PDE7B: variants seen among roughly 807,000 people sequenced by gnomAD.
PDE7B encodes 3',5'-cyclic-AMP phosphodiesterase 7B.
A neutral mutation model predicts 56.2 loss-of-function variants in PDE7B; 29 were observed. That is an observed-to-expected ratio of 0.52 (90% CI 0.38 to 0.70). PDE7B has a LOEUF of 0.70. Among genes scored for constraint, PDE7B ranks in the 30% least tolerant of loss-of-function variants. PDE7B has a pLI of 0.00. For missense variants in PDE7B, 490 were observed against 565.0 expected (o/e 0.87, Z 1.35); for synonymous variants, 197 against 196.9 (o/e 1.00, Z 0.00).
intron 2 of PDE7B, chr6:136,048,883 GC>G (rs773343861): frequency 6.6e-6 from 1 of 152,010 alleles, no homozygotes; most frequent in Non-Finnish European, 1.5e-5. Flanking sequence ...TTTACACAGA[GC>G]CACAAGAAAT....
chr6:136,025,204 T>A (rs1776131315), intron 2 of PDE7B, among the ~76,000 whole-genome samples: 1 of 152,240 alleles, frequency 6.6e-6, no homozygotes. Context: ...GCATGCACTG[T>A]GATTTAGACC....
intron 1 of PDE7B, among the ~76,000 whole-genome samples, chr6:135,928,609 G>A (rs1351706781): frequency 1.4e-5 from 2 of 146,580 alleles, no homozygotes; most frequent in African/African-American, 5.0e-5. Context: ...ATACACCATG[G>A]AATACTACTT....
chr6:135,997,139 T>C (rs1228775877), intron 2 of PDE7B, among the ~76,000 whole-genome samples: 1 of 151,920 alleles, frequency 6.6e-6, no homozygotes, highest in African/African-American at 2.4e-5. Flanking sequence ...AGAAGCAGGC[T>C]GGGCACAATG....
chr6:136,087,299 G>C (rs1459740351), intron 2 of PDE7B, among the ~76,000 whole-genome samples: 3 of 152,054 alleles, frequency 2.0e-5, no homozygotes, highest in Non-Finnish European at 4.4e-5. Flanking sequence ...CTCTCTATCT[G>C]GGAACCAGAA....
chr6:136,191,037 T>TTTTTTTTTTTTA (rs1471563191), intron 12 of PDE7B, among the ~76,000 whole-genome samples: 1 of 143,216 alleles, frequency 7.0e-6, no homozygotes, highest in African/African-American at 2.9e-5. Context: ...TTTTTTTTTT[T>TTTTTTTTTTTTA]ACTTATATGT....
chr6:136,176,005 A>T (rs1385098777), intron 9 of PDE7B, among the ~76,000 whole-genome samples: 1 of 152,082 alleles, frequency 6.6e-6, no homozygotes, highest in Non-Finnish European at 1.5e-5. Context: ...TATATATGTA[A>T]AGTGGTTTTC....
rs1779257819 is a variant in PDE7B, at chr6:136,193,208, T to C, written c.*1368T>C. 1 of 152,654 alleles carries C rather than the reference T, an allele frequency of 6.6e-6. No individual in the cohort carries two copies. Among genetic ancestry groups the C allele is most frequent in the Admixed American group, 6.5e-5 (1 of 15,282 alleles). 9.5% of individuals were successfully genotyped at this position (152,654 alleles called of 1,614,324 possible). Reference sequence around the variant, plus strand: ...GTCATCTAACCATCAGGGAATTCCCTGCTCCCATGCCACACATTTGTCTAT... The same window carrying C: ...GTCATCTAACCATCAGGGAATTCCCCGCTCCCATGCCACACATTTGTCTAT... On this transcript the variant is annotated 3_prime_UTR_variant, in exon 13 of 13. Coordinates refer to ENST00000308191, the MANE Select transcript of PDE7B (RefSeq NM_018945.4).
chr6:135,864,661 T>A (rs931119395), intron 1 of PDE7B, among the ~76,000 whole-genome samples: 1 of 152,178 alleles, frequency 6.6e-6, no homozygotes, highest in Admixed American at 6.6e-5. Context: ...TGGTTTTCTC[T>A]GCATTTATCC....
At chr6:135,982,022 T>C (rs1775306265) in intron 2 of PDE7B, among the ~76,000 whole-genome samples, 1 of 152,164 alleles carries the variant, frequency 6.6e-6, no homozygotes, top group Non-Finnish European at 1.5e-5. Flanking sequence ...TTCAGCTCTA[T>C]TATAATCCTA....
chr6:136,102,554 A>C (rs1677891194), intron 2 of PDE7B, among the ~76,000 whole-genome samples: 1 of 152,146 alleles, frequency 6.6e-6, no homozygotes, highest in South Asian at 2.1e-4. Flanking sequence ...TTGACTCCTC[A>C]AGTTGTTCTC....
chr6:135,914,123 C>T (rs1776256305), intron 1 of PDE7B, among the ~76,000 whole-genome samples: 1 of 152,148 alleles, frequency 6.6e-6, no homozygotes, highest in Admixed American at 6.5e-5. Context: ...CCTCAACCTT[C>T]CACAGGCATG....
intron 2 of PDE7B, among the ~76,000 whole-genome samples, chr6:136,015,862 T>C (rs975781421): frequency 9.9e-5 from 15 of 152,180 alleles, no homozygotes; most frequent in African/African-American, 3.6e-4. Context: ...TCAGTATGTA[T>C]TATGATTGAA....
At chr6:135,900,763 G>C (rs1465420252) in intron 1 of PDE7B, among the ~76,000 whole-genome samples, 1 of 151,810 alleles carries the variant, frequency 6.6e-6, no homozygotes, top group Non-Finnish European at 1.5e-5. Context: ...ATATAGGATA[G>C]ACTGACATAC....
chr6:135,908,739 A>G (rs1200877454), intron 1 of PDE7B, among the ~76,000 whole-genome samples: 4 of 152,214 alleles, frequency 2.6e-5, no homozygotes, highest in East Asian at 1.9e-4. Context: ...ATTTGTTCCC[A>G]TTTGCAAAAA....
intron 3 of PDE7B, among the ~76,000 whole-genome samples, chr6:136,109,406 C>T (rs558981322): frequency 2.0e-5 from 3 of 152,312 alleles, no homozygotes; most frequent in Middle Eastern, 3.4e-3. Flanking sequence ...CATTTTCCAG[C>T]ACATTCTCTC....
chr6:136,053,458 T>C (rs1776670415), intron 2 of PDE7B, among the ~76,000 whole-genome samples: 1 of 152,124 alleles, frequency 6.6e-6, no homozygotes, highest in Non-Finnish European at 1.5e-5. Context: ...CAGTCTATCA[T>C]TGCTGGACAT....
chr6:135,865,955 TAA>T, intron 1 of PDE7B, among the ~76,000 whole-genome samples: 2 of 152,268 alleles, frequency 1.3e-5, no homozygotes, highest in Admixed American at 1.3e-4. Context: ...CATATAGTAT[TAA>T]AAGACTCCAA....
At chr6:136,049,687 G>A (rs919363989) in intron 2 of PDE7B, among the ~76,000 whole-genome samples, 9 of 152,098 alleles carry the variant, frequency 5.9e-5, no homozygotes, top group African/African-American at 2.2e-4. Flanking sequence ...GGGAATAAAC[G>A]TGAACATAGG....
chr6:136,070,515 G>A (rs978674966), intron 2 of PDE7B, among the ~76,000 whole-genome samples: 7 of 150,212 alleles, frequency 4.7e-5, no homozygotes, highest in African/African-American at 1.7e-4. Context: ...TAACAATATT[G>A]TTGAAAAAAT....
Sources: allele counts gnomAD v4.1 joint callset (sites outside exome capture counted in the v4.1 genomes callset), GRCh38; gene constraint gnomAD v4.1.1; transcripts MANE v1.5; gene names NCBI Gene and HGNC (gene_info 2026-07-23, HGNC 2026-07-21).